Variants in NAV2 observed in about 807,000 individuals in gnomAD.
NAV2 encodes helicase, APC down-regulated 1.
In NAV2, 54 loss-of-function variants were observed where a neutral mutation model predicts 223.2. The observed-to-expected ratio is 0.24, with a 90% CI of 0.19 to 0.30. The LOEUF (loss-of-function observed/expected upper bound fraction) is 0.30, where lower values mean the gene tolerates loss of function less well. Among genes scored for constraint, NAV2 ranks in the 10% least tolerant of loss-of-function variants. NAV2 has a pLI of 1.00. For synonymous variants in NAV2, 1,279 were observed against 1,239.3 expected (o/e 1.03, Z -0.67); for missense variants, 2,806 against 3,147.5 (o/e 0.89, Z 2.60).
chr11:20,068,135 A>C (rs745710014), intron 20 of NAV2, 51 bp from the exon 21 acceptor site: 2 of 1,548,574 alleles, frequency 1.3e-6, no homozygotes, highest in East Asian at 2.2e-5. Context: ...GCTGGACTAC[A>C]CTATTCTTTG....
At chr11:19,571,713 G>GAA (rs61011061) in intron 1 of NAV2, among the ~76,000 whole-genome samples, 62 of 128,724 alleles carry the variant, frequency 4.8e-4, no homozygotes, top group African/African-American at 1.6e-3. Flanking sequence ...TCTCAAAAAA[G>GAA]AAAAAAAAAA....
intron 1 of NAV2, among the ~76,000 whole-genome samples, chr11:19,795,829 T>C (rs898757031): frequency 1.3e-5 from 2 of 152,246 alleles, no homozygotes; most frequent in East Asian, 3.8e-4. Flanking sequence ...GGCTATTTCT[T>C]TGCCCAGCAA....
At chr11:20,090,110 A>G (rs2060735402) in intron 26 of NAV2, among the ~76,000 whole-genome samples, 1 of 152,234 alleles carries the variant, frequency 6.6e-6, no homozygotes, top group African/African-American at 2.4e-5. Flanking sequence ...GTGAGTTTTC[A>G]GAATGTGATC....
intron 31 of NAV2, among the ~76,000 whole-genome samples, chr11:20,098,984 C>T (rs2061460395): frequency 6.6e-6 from 1 of 152,170 alleles, no homozygotes; most frequent in South Asian, 2.1e-4. Context: ...GCTTAGGAAC[C>T]TGAAGGAAAG....
chr11:19,805,728 A>G (rs1168303447), intron 1 of NAV2, among the ~76,000 whole-genome samples: 1 of 152,200 alleles, frequency 6.6e-6, no homozygotes, highest in East Asian at 1.9e-4. Flanking sequence ...TCAAAAGATA[A>G]TCTTGAGGAA....
intron 25 of NAV2, 52 bp from the exon 26 acceptor site, chr11:20,082,955 G>A: frequency 6.5e-7 from 1 of 1,532,160 alleles, no homozygotes; most frequent in African/African-American, 1.4e-5. Flanking sequence ...GTTTTGCCAA[G>A]GCCTAAGCAT....
intron 1 of NAV2, among the ~76,000 whole-genome samples, chr11:19,681,688 G>A (rs1173055665): frequency 1.3e-5 from 2 of 152,164 alleles, no homozygotes; most frequent in African/African-American, 4.8e-5. Context: ...TGGCAAGTCT[G>A]GGATTGGAGT....
intron 1 of NAV2, among the ~76,000 whole-genome samples, chr11:19,473,462 A>G (rs1011762119): frequency 3.3e-5 from 5 of 152,190 alleles, no homozygotes; most frequent in South Asian, 2.1e-4. Flanking sequence ...TTTCTTTTCC[A>G]GAGAAACTCC....
intron 5 of NAV2, among the ~76,000 whole-genome samples, chr11:19,888,414 G>A (rs1447540443): frequency 6.6e-6 from 1 of 152,130 alleles, no homozygotes; most frequent in Non-Finnish European, 1.5e-5. Context: ...CAGCAAACAG[G>A]GATTCTAATG....
intron 1 of NAV2, among the ~76,000 whole-genome samples, chr11:19,466,256 C>T (rs1291011262): frequency 6.6e-6 from 1 of 152,154 alleles, no homozygotes; most frequent in African/African-American, 2.4e-5. Context: ...GGTGGGATTT[C>T]CCCTCCTGTG....
intron 26 of NAV2, among the ~76,000 whole-genome samples, chr11:20,083,743 G>A (rs1250271527): frequency 1.3e-5 from 2 of 152,136 alleles, no homozygotes; most frequent in Non-Finnish European, 2.9e-5. Flanking sequence ...AAGTTTGGTT[G>A]TATAAACTTC....
intron 6 of NAV2, among the ~76,000 whole-genome samples, chr11:19,896,651 C>T (rs1346793147): frequency 6.6e-6 from 1 of 152,160 alleles, no homozygotes; most frequent in Non-Finnish European, 1.5e-5. Flanking sequence ...TGTGTGACCC[C>T]GTTGACCTAA....
intron 6 of NAV2, among the ~76,000 whole-genome samples, chr11:19,896,864 C>T (rs2042022540): frequency 6.6e-6 from 1 of 152,202 alleles, no homozygotes; most frequent in African/African-American, 2.4e-5. Context: ...CCATTTGACC[C>T]AGCTATCCCC....
intron 1 of NAV2, among the ~76,000 whole-genome samples, chr11:19,686,640 G>A (rs975456143): frequency 7.9e-5 from 12 of 152,182 alleles, no homozygotes; most frequent in Non-Finnish European, 1.6e-4. Context: ...GGCTGCATGG[G>A]CCTGCCCAGG....
chr11:19,559,502 G>A (rs1408449955), intron 1 of NAV2, among the ~76,000 whole-genome samples: 1 of 152,170 alleles, frequency 6.6e-6, no homozygotes, highest in African/African-American at 2.4e-5. Flanking sequence ...AAAGCATTAT[G>A]GGAGCATGAA....
At chr11:19,862,667 G>A (rs1447818852) in intron 3 of NAV2, among the ~76,000 whole-genome samples, 1 of 152,120 alleles carries the variant, frequency 6.6e-6, no homozygotes, top group Non-Finnish European at 1.5e-5. Context: ...TCAGGACCCC[G>A]CAAGCTCTGC....
At chr11:20,044,694 A>C (rs183236024) in intron 13 of NAV2, among the ~76,000 whole-genome samples, 128 of 152,308 alleles carry the variant, frequency 8.4e-4, no homozygotes, top group African/African-American at 3.0e-3. Flanking sequence ...CAGGAAAGGC[A>C]GGGGGTTCTT....
At chr11:19,984,323 A>G in intron 11 of NAV2, 76 bp downstream of exon 11, 4 of 1,601,220 alleles carry the variant, frequency 2.5e-6, no homozygotes, top group Admixed American at 3.4e-5. Context: ...GGGTTATGAT[A>G]TTGGGAGAGT....
chr11:19,623,178 C>G (rs113705940), intron 1 of NAV2, among the ~76,000 whole-genome samples: 3,564 of 152,268 alleles, frequency 0.023, 145 homozygotes, highest in African/African-American at 0.082. Flanking sequence ...TCTGACCTTT[C>G]TTTCTGGCTG....
Sources: allele counts gnomAD v4.1 joint callset (sites outside exome capture counted in the v4.1 genomes callset), GRCh38; gene constraint gnomAD v4.1.1; transcripts MANE v1.5; gene names NCBI Gene and HGNC (gene_info 2026-07-23, HGNC 2026-07-21).